GSE1: variants seen among roughly 807,000 people sequenced by gnomAD.
GSE1 encodes genetic suppressor element 1.
GSE1 carries 32 observed loss-of-function variants against 112.6 expected under a neutral mutation model. The observed-to-expected ratio is 0.28, with a 90% CI of 0.21 to 0.38. The LOEUF (loss-of-function observed/expected upper bound fraction) is 0.38, where lower values mean the gene tolerates loss of function less well. Among genes scored for constraint, GSE1 ranks in the 10% least tolerant of loss-of-function variants. The pLI is 1.00. For synonymous variants in GSE1, 1,115 were observed against 735.6 expected (o/e 1.52, Z -8.35); for missense variants, 2,348 against 1,699.2 (o/e 1.38, Z -6.71).
intron 1 of GSE1, among the ~76,000 whole-genome samples, chr16:85,219,239 C>G (rs1163933488): frequency 6.6e-6 from 1 of 151,996 alleles, no homozygotes; most frequent in African/African-American, 2.4e-5. Flanking sequence ...GTCTCGAACT[C>G]CTGACCTCAG....
rs753218778 is a variant in GSE1 at position 85,657,524 on chromosome 16, G to A, written c.1560G>A (p.Gln520=). ...DRQSQVSEFR[Q]QVLEQHLDMG... is the part of the protein sequence containing the mutation. ...AGTCTCAGGTGTCCGAGTTCCGGCA[G>A]CAGGTGCTGGAGCAGCACCTGGATA... The change falls in exon 8 of 16, where the codon CAG becomes CAA. Residue 520 remains glutamine, a synonymous_variant. Coordinates refer to ENST00000253458, the MANE Select transcript of GSE1 (RefSeq NM_014615.5). 1 of 1,604,642 alleles carries A rather than the reference G, an allele frequency of 6.2e-7. No individual in the cohort carries two copies. The highest frequency in any genetic ancestry group is 8.5e-7 in the Non-Finnish European group (1 of 1,175,994).
intron 1 of GSE1, among the ~76,000 whole-genome samples, chr16:85,308,059 G>A (rs1304170249): frequency 6.6e-6 from 1 of 152,210 alleles, no homozygotes; most frequent in East Asian, 1.9e-4. Context: ...CCAGGCAGGA[G>A]GGAGGTCAGG....
chr16:85,633,024 C>T (rs950589370), intron 1 of GSE1, among the ~76,000 whole-genome samples: 13 of 152,192 alleles, frequency 8.5e-5, no homozygotes, highest in African/African-American at 2.9e-4. Context: ...GCCGCCGCCG[C>T]CGCCGCTGTC....
At chr16:85,462,649 C>G (rs1381196039) in intron 2 of GSE1, among the ~76,000 whole-genome samples, 1 of 97,220 alleles carries the variant, frequency 1.0e-5, no homozygotes, top group Non-Finnish European at 2.0e-5. Flanking sequence ...TGCAGGGGAG[C>G]GGAGGCTGCC....
chr16:85,478,374 A>C (rs2050528431), intron 2 of GSE1, among the ~76,000 whole-genome samples: 1 of 152,034 alleles, frequency 6.6e-6, no homozygotes, highest in Non-Finnish European at 1.5e-5. Context: ...TAAAAATACA[A>C]AAATTAGCCA....
intron 2 of GSE1, among the ~76,000 whole-genome samples, chr16:85,369,283 ACGGCTCACTGCAACCTTGAC>A (rs1271074193): frequency 6.6e-6 from 1 of 151,796 alleles, no homozygotes; most frequent in Non-Finnish European, 1.5e-5. Context: ...TGGCGTGATC[ACGGCTCACTGCAACCTTGAC>A]CTCCCTGGGC....
intron 2 of GSE1, among the ~76,000 whole-genome samples, chr16:85,376,523 GC>G (rs933105306): frequency 6.6e-6 from 1 of 152,238 alleles, no homozygotes; most frequent in African/African-American, 2.4e-5. Flanking sequence ...GGCAGAGTGG[GC>G]TGGGGGCTCT....
At chr16:85,216,716 C>T (rs916270238) in intron 1 of GSE1, among the ~76,000 whole-genome samples, 3 of 152,170 alleles carry the variant, frequency 2.0e-5, no homozygotes, top group Non-Finnish European at 2.9e-5. Context: ...GGCTGTGGGA[C>T]TCCCAGCACC....
chr16:85,589,414 A>T (rs2151424714), intron 1 of GSE1, among the ~76,000 whole-genome samples: 1 of 151,910 alleles, frequency 6.6e-6, no homozygotes, highest in Admixed American at 6.5e-5. Context: ...GCTGGGTGGG[A>T]GCTTTGACAC....
intron 2 of GSE1, among the ~76,000 whole-genome samples, chr16:85,440,158 C>T (rs917392716): frequency 6.6e-6 from 1 of 152,226 alleles, no homozygotes; most frequent in Non-Finnish European, 1.5e-5. Context: ...TCAGTGAATG[C>T]ATGGATGGCT....
At chr16:85,309,677 C>G (rs931769667) in intron 1 of GSE1, among the ~76,000 whole-genome samples, 15 of 152,232 alleles carry the variant, frequency 9.9e-5, no homozygotes, top group African/African-American at 3.6e-4. Flanking sequence ...TCTGCAGACG[C>G]CATTTGGGGC....
intron 1 of GSE1, among the ~76,000 whole-genome samples, chr16:85,281,901 A>G (rs937590360): frequency 2.1e-4 from 32 of 152,042 alleles, no homozygotes; most frequent in African/African-American, 6.5e-4. Context: ...TGCCAGCATT[A>G]TTTTGCCAGA....
intron 2 of GSE1, among the ~76,000 whole-genome samples, chr16:85,438,624 C>A (rs756389228): frequency 5.9e-5 from 9 of 152,310 alleles, no homozygotes; most frequent in Middle Eastern, 3.4e-3. Context: ...CACCAGAATT[C>A]ACACCAAGCA....
At chr16:85,300,201 G>A (rs1482515775) in intron 1 of GSE1, among the ~76,000 whole-genome samples, 3 of 151,976 alleles carry the variant, frequency 2.0e-5, no homozygotes, top group African/African-American at 4.8e-5. Flanking sequence ...TAGTAGAGAC[G>A]GGGTTTCTCC....
chr16:85,596,595 A>G (rs1261441564), intron 1 of GSE1, among the ~76,000 whole-genome samples: 3 of 152,226 alleles, frequency 2.0e-5, no homozygotes, highest in Non-Finnish European at 4.4e-5. Context: ...TACAGTAGCC[A>G]CTATCTATTT....
intron 1 of GSE1, among the ~76,000 whole-genome samples, chr16:85,574,946 T>C (rs2046160284): frequency 1.3e-5 from 2 of 152,186 alleles, no homozygotes; most frequent in African/African-American, 4.8e-5. Flanking sequence ...AGCCAGCTTG[T>C]CTTCGCACCC....
chr16:85,491,180 C>T (rs1176812715), intron 2 of GSE1, among the ~76,000 whole-genome samples: 1 of 152,124 alleles, frequency 6.6e-6, no homozygotes, highest in African/African-American at 2.4e-5. Flanking sequence ...AGCCCGGAGC[C>T]GCTAGTAGGC....
At chr16:85,426,026 A>AATGGATGGATGG (rs775930864) in intron 2 of GSE1, among the ~76,000 whole-genome samples, 1 of 36,444 alleles carries the variant, frequency 2.7e-5, no homozygotes, top group East Asian at 8.0e-4. Context: ...ATGAATGGAA[A>AATGGATGGATGG]ATGGATGGAT....
intron 1 of GSE1, among the ~76,000 whole-genome samples, chr16:85,304,189 A>G (rs759840976): frequency 6.6e-6 from 1 of 152,228 alleles, no homozygotes; most frequent in African/African-American, 2.4e-5. Context: ...CCCCAGAGAC[A>G]TAGCCAGCCG....
Sources: gnomAD v4.1 joint callset for allele counts (sites outside exome capture counted in the v4.1 genomes callset) on GRCh38, gnomAD v4.1.1 for gene constraint, MANE v1.5 for transcripts, NCBI Gene and HGNC (gene_info 2026-07-23, HGNC 2026-07-21) for gene names.